Variants in CNTNAP2 observed in about 807,000 individuals in gnomAD.
The protein encoded by CNTNAP2 is contactin-associated protein-like 2.
A neutral mutation model predicts 155.2 loss-of-function variants in CNTNAP2; 98 were observed. The observed-to-expected ratio is 0.63, with a 90% CI of 0.54 to 0.75. CNTNAP2 has a LOEUF of 0.75. Among genes scored for constraint, CNTNAP2 ranks in the 30% least tolerant of loss-of-function variants. The probability of loss-of-function intolerance (pLI) is 0.00; values close to 1 mark genes in which losing one functional copy is unlikely to be tolerated. For missense variants in CNTNAP2, 1,727 were observed against 1,688.1 expected (o/e 1.02, Z -0.40); for synonymous variants, 651 against 631.2 (o/e 1.03, Z -0.47).
chr7:147,927,054 T>C (rs1366446773), intron 14 of CNTNAP2, among the ~76,000 whole-genome samples: 1 of 152,240 alleles, frequency 6.6e-6, no homozygotes, highest in Non-Finnish European at 1.5e-5. Context: ...AAATTTTTAA[T>C]ATTTGCTACA....
At chr7:147,861,999 CAA>C (rs57139075) in intron 13 of CNTNAP2, among the ~76,000 whole-genome samples, 1,381 of 94,892 alleles carry the variant, frequency 0.015, 11 homozygotes, top group African/African-American at 0.049. Flanking sequence ...CTCCATCTCA[CAA>C]AAAAAAAAAA....
intron 1 of CNTNAP2, among the ~76,000 whole-genome samples, chr7:146,152,913 A>G (rs115016009): frequency 0.02 from 3,090 of 152,198 alleles, 89 homozygotes; most frequent in African/African-American, 0.067. Flanking sequence ...AAAAATATAC[A>G]TTTTATGATT....
At chr7:146,213,128 C>T (rs1011039356) in intron 1 of CNTNAP2, among the ~76,000 whole-genome samples, 3 of 152,270 alleles carry the variant, frequency 2.0e-5, no homozygotes, top group Admixed American at 6.5e-5. Flanking sequence ...TCTAAGTTGC[C>T]ATTTCCAGAT....
At chr7:146,679,650 C>T (rs776853723) in intron 1 of CNTNAP2, among the ~76,000 whole-genome samples, 6 of 152,172 alleles carry the variant, frequency 3.9e-5, no homozygotes, top group African/African-American at 4.8e-5. Context: ...CCACCGTGCC[C>T]GGCTGATCTT....
intron 20 of CNTNAP2, among the ~76,000 whole-genome samples, chr7:148,255,465 A>G (rs1796440172): frequency 6.6e-6 from 1 of 152,250 alleles, no homozygotes; most frequent in Non-Finnish European, 1.5e-5. Context: ...CTTATGCTTT[A>G]AATAATATTC....
intron 10 of CNTNAP2, among the ~76,000 whole-genome samples, chr7:147,404,530 A>G (rs1380017850): frequency 6.6e-6 from 1 of 152,174 alleles, no homozygotes; most frequent in Non-Finnish European, 1.5e-5. Context: ...GCAAATCGCT[A>G]TGCTCTATCT....
intron 2 of CNTNAP2, among the ~76,000 whole-genome samples, chr7:146,781,598 G>A (rs536265651): frequency 1.3e-5 from 2 of 152,176 alleles, no homozygotes; most frequent in African/African-American, 4.8e-5. Context: ...CCGGAAACGC[G>A]CTGGGCTGCC....
chr7:147,084,609 G>T (rs1375780841), intron 4 of CNTNAP2, among the ~76,000 whole-genome samples: 1 of 145,188 alleles, frequency 6.9e-6, no homozygotes, highest in African/African-American at 2.5e-5. Flanking sequence ...TGCTATATAA[G>T]CATGCTATAT....
chr7:146,821,369 A>G (rs1015442329), intron 2 of CNTNAP2, among the ~76,000 whole-genome samples: 2 of 152,066 alleles, frequency 1.3e-5, no homozygotes, highest in Non-Finnish European at 2.9e-5. Context: ...GGTGGTGACA[A>G]AATCTCTCAG....
At chr7:147,094,399 C>CTTTTT (rs55694542) in intron 4 of CNTNAP2, among the ~76,000 whole-genome samples, 9 of 132,962 alleles carry the variant, frequency 6.8e-5, no homozygotes, top group Non-Finnish European at 9.3e-5. Context: ...ATTATTATTC[C>CTTTTT]TTTTTTTTTT....
At chr7:146,653,039 G>C (rs753016832) in intron 1 of CNTNAP2, among the ~76,000 whole-genome samples, 1 of 152,070 alleles carries the variant, frequency 6.6e-6, no homozygotes, top group Non-Finnish European at 1.5e-5. Flanking sequence ...TTATTACAAG[G>C]CATACTGTGA....
At chr7:146,256,144 G>A (rs1799833278) in intron 1 of CNTNAP2, among the ~76,000 whole-genome samples, 1 of 152,132 alleles carries the variant, frequency 6.6e-6, no homozygotes. Flanking sequence ...AAGCTTCTTT[G>A]GGTCATAGGT....
intron 10 of CNTNAP2, among the ~76,000 whole-genome samples, chr7:147,472,012 C>G (rs1798225455): frequency 6.6e-6 from 1 of 152,088 alleles, no homozygotes; most frequent in African/African-American, 2.4e-5. Context: ...AGCATGTGTG[C>G]AAAGGCAGCC....
intron 15 of CNTNAP2, among the ~76,000 whole-genome samples, chr7:148,035,145 A>C (rs1802548952): frequency 6.6e-6 from 1 of 152,266 alleles, no homozygotes; most frequent in Admixed American, 6.5e-5. Context: ...TAATTAAAAA[A>C]GAAGTAGAGC....
intron 5 of CNTNAP2, among the ~76,000 whole-genome samples, chr7:147,114,391 T>A (rs1800942964): frequency 6.6e-6 from 1 of 152,212 alleles, no homozygotes; most frequent in Non-Finnish European, 1.5e-5. Flanking sequence ...CGATGATCTG[T>A]CTAATATTGT....
At chr7:147,806,905 G>A (rs191218876) in intron 13 of CNTNAP2, among the ~76,000 whole-genome samples, 2 of 152,260 alleles carry the variant, frequency 1.3e-5, no homozygotes, top group East Asian at 3.9e-4. Flanking sequence ...ACTACAGTTA[G>A]GTAGAAGGAA....
chr7:146,599,743 G>GAGATAGATAGAT (rs60717424), intron 1 of CNTNAP2, among the ~76,000 whole-genome samples: 25,304 of 145,440 alleles, frequency 0.17, 2,346 homozygotes, highest in African/African-American at 0.2. Context: ...ACGACAGACA[G>GAGATAGATAGAT]AGATAGATAG....
chr7:147,340,540 T>C (rs1174933920), intron 9 of CNTNAP2, among the ~76,000 whole-genome samples: 1 of 152,144 alleles, frequency 6.6e-6, no homozygotes, highest in East Asian at 1.9e-4. Flanking sequence ...GTCGTGGACA[T>C]GTTCAACTCA....
chr7:147,924,844 G>A lies in CNTNAP2; in HGVS notation c.2255+21123G>A, dbSNP rs981667552. ...AGAAAGAAAGAGAATGTGGCAAGGT[G>A]TGGTGGCGCACACCTGTAATCCCAG... On this transcript the variant is annotated intron_variant, in intron 14 of 23. Coordinates refer to ENST00000361727, the MANE Select transcript of CNTNAP2 (RefSeq NM_014141.6). Among the ~76,000 whole-genome samples, 2 of 152,068 alleles carry A rather than the reference G, an allele frequency of 1.3e-5. 1 individual carries two copies. The highest frequency in any genetic ancestry group is 1.3e-4 in the Admixed American group (2 of 15,256).
Sources: gnomAD v4.1 joint callset for allele counts (sites outside exome capture counted in the v4.1 genomes callset) on GRCh38, gnomAD v4.1.1 for gene constraint, MANE v1.5 for transcripts, NCBI Gene and HGNC (gene_info 2026-07-23, HGNC 2026-07-21) for gene names.